The following EXOC6B variants were observed in gnomAD, a reference collection of about 807,000 sequenced individuals.
EXOC6B encodes exocyst complex component 6B.
In EXOC6B, 54 loss-of-function variants were observed where a neutral mutation model predicts 113.5. That is an observed-to-expected ratio of 0.48 (90% CI 0.38 to 0.60). The LOEUF (loss-of-function observed/expected upper bound fraction) is 0.60. EXOC6B is among the 20% of genes least tolerant of loss of function. The pLI is 0.00. For synonymous variants in EXOC6B, 357 were observed against 339.0 expected, an observed-to-expected ratio of 1.05 and a Z score of -0.58; for missense variants, 797 against 977.5, an observed-to-expected ratio of 0.82 and a Z score of 2.46.
At chr2:72,628,958 A>G (rs1029771135) in intron 6 of EXOC6B, among the ~76,000 whole-genome samples, 4 of 152,276 alleles carry the variant, frequency 2.6e-5, no homozygotes, top group African/African-American at 9.6e-5. Flanking sequence ...AGCTTCCTCT[A>G]TCCATGTAAT....
intron 1 of EXOC6B, among the ~76,000 whole-genome samples, chr2:72,823,459 G>GAAAAAAGAAAAAAAAAAAAAAAAAAA (rs1686693497): frequency 1.4e-5 from 1 of 70,030 alleles, no homozygotes; most frequent in African/African-American, 8.2e-5. Context: ...AAAGTTTTAA[G>GAAAAAAGAAAAAAAAAAAAAAAAAAA]AAAAAAAAAA....
chr2:72,226,496 G>A (rs1681250152), intron 20 of EXOC6B, among the ~76,000 whole-genome samples: 1 of 152,278 alleles, frequency 6.6e-6, no homozygotes, highest in South Asian at 2.1e-4. Context: ...GGCAGTAGAA[G>A]GAAAGACATG....
rs779466855 is a variant in EXOC6B at position 72,559,490 on chromosome 2, G to A, written c.878C>T (p.Ser293Phe). ...TATATGTAGACATCGATAAACTGGA[G>A]AGAAATCCACCAAATCTTGGGCCCC... ...VPGAQDLVDF[S>F]PVYRCLHIYS... Residue 293 changes from serine to phenylalanine, a missense_variant, in exon 8 of 22, where the codon TCT becomes TTT. Coordinates refer to ENST00000272427, the MANE Select transcript of EXOC6B (RefSeq NM_015189.3). 1 of 1,612,970 alleles carries A rather than the reference G, an allele frequency of 6.2e-7. No homozygotes were observed.
intron 20 of EXOC6B, among the ~76,000 whole-genome samples, chr2:72,304,791 G>A (rs1686735661): frequency 6.6e-6 from 1 of 152,194 alleles, no homozygotes; most frequent in Non-Finnish European, 1.5e-5. Flanking sequence ...ATGCAAAACT[G>A]CTATTTAGGA....
At position 72,676,462 on chromosome 2, in the gene EXOC6B, A is replaced by G. The variant is rs2104524228; in HGVS notation, c.669+41641T>C. On this transcript the variant is annotated intron_variant, in intron 6 of 21. Coordinates refer to ENST00000272427, the MANE Select transcript of EXOC6B (RefSeq NM_015189.3). ...TTTTGTCTGGAAAAGTAATTTCTGA[A>G]GTGAAGAGTTCAAAACTTTTAGCCC... 1.3e-5 allele frequency among the ~76,000 whole-genome samples: 2 copies of G among 152,340 alleles called. 1 individual carries two copies. The highest frequency in any genetic ancestry group is 1.3e-4 in the Admixed American group (2 of 15,306).
chr2:72,508,184 A>AAAAAAAAAAAAAAAAAAC (rs923877882), intron 11 of EXOC6B, among the ~76,000 whole-genome samples: 6 of 89,102 alleles, frequency 6.7e-5, no homozygotes, highest in African/African-American at 3.3e-4. Flanking sequence ...AAAAAAAAAA[A>AAAAAAAAAAAAAAAAAAC]ACACCTAAAA....
chr2:72,600,625 T>C (rs887858897), intron 6 of EXOC6B, among the ~76,000 whole-genome samples: 9 of 151,690 alleles, frequency 5.9e-5, no homozygotes, highest in Admixed American at 3.3e-4. Flanking sequence ...TTTCAACAAA[T>C]AGATGATGGA....
rs184560193 is a variant in EXOC6B, at chr2:72,623,412, C to T, written c.670-47744G>A. On this transcript the variant is annotated intron_variant, in intron 6 of 21. Transcript: ENST00000272427. ...ATTTATTTAGACACCAGGGTAAATG[C>T]TATATGAGTAAGTACAGAAAAGGAC... Among the ~76,000 whole-genome samples the T allele has an allele frequency of 1.2e-3, 183 of 152,240 alleles. 1 individual carries two copies. The highest frequency in any genetic ancestry group is 6.8e-3 in the Middle Eastern group (2 of 294).
chr2:72,436,084 GCTGGT>G (rs1695849891), intron 18 of EXOC6B, among the ~76,000 whole-genome samples: 1 of 152,128 alleles, frequency 6.6e-6, no homozygotes, highest in African/African-American at 2.4e-5. Context: ...CTCTTGTAAG[GCTGGT>G]CTGGTAGTGA....
At chr2:72,421,209 T>A (rs541335537) in intron 18 of EXOC6B, among the ~76,000 whole-genome samples, 1 of 152,324 alleles carries the variant, frequency 6.6e-6, no homozygotes, top group East Asian at 1.9e-4. Context: ...GTGATGATAG[T>A]TTCTTTTGCT....
chr2:72,649,792 G>A (rs1285895964), intron 6 of EXOC6B, among the ~76,000 whole-genome samples: 1 of 151,962 alleles, frequency 6.6e-6, no homozygotes, highest in Non-Finnish European at 1.5e-5. Flanking sequence ...TTTCCCAAAG[G>A]TACAAAAGCC....
At chr2:72,817,209 A>C (rs147443238) in intron 1 of EXOC6B, among the ~76,000 whole-genome samples, 1 of 152,186 alleles carries the variant, frequency 6.6e-6, no homozygotes, top group African/African-American at 2.4e-5. Context: ...TACTATTCTT[A>C]AACCTGCAAA....
In EXOC6B at chr2:72,257,252, G is replaced by C. The variant is rs111525571; in HGVS notation, c.2197-73065C>G. 3.3e-5 allele frequency among the ~76,000 whole-genome samples: 5 copies of C among 152,018 alleles called. 1 individual carries two copies. The highest frequency in any genetic ancestry group is 1.2e-4 in the African/African-American group (5 of 41,470). On this transcript the variant is annotated intron_variant, in intron 20 of 21. Transcript: ENST00000272427. ...TTTTCCATCTTTTAGAAGTCACGGA[G>C]CTTAAAAAAAAACCATATCTTTGTT...
In EXOC6B at chr2:72,356,305, A is replaced by G. The variant is rs139975840; in HGVS notation, c.2123-21285T>C. On this transcript the variant is annotated intron_variant, in intron 19 of 21. Transcript: ENST00000272427. ...ATGGCAACTCTGATCTCATAACCACACTAATGTCTCTACCAGAATACCACA... is the reference window on the plus strand; with the variant it reads ...ATGGCAACTCTGATCTCATAACCACGCTAATGTCTCTACCAGAATACCACA... 2.3e-3 allele frequency among the ~76,000 whole-genome samples: 351 copies of G among 152,252 alleles called. 1 individual carries two copies. Among genetic ancestry groups the G allele is most frequent in the Non-Finnish European group, 3.0e-3 (204 of 68,024 alleles).
At position 72,499,940 on chromosome 2, in the gene EXOC6B, A is replaced by T; in HGVS notation, c.1200T>A (p.Asp400Glu). 1 of 1,553,472 alleles carries T rather than the reference A, an allele frequency of 6.4e-7. No individual in the cohort carries two copies. Among genetic ancestry groups the T allele is most frequent in the Non-Finnish European group, 8.7e-7 (1 of 1,147,618 alleles). ...SYCSDPNLVL[D>E]LKNLIVLFAD... ...CAAAAAGCACAATGAGGTTCTTCAA[A>T]TCTAACACAAGGTTTGGATCAGAAC... Residue 400 changes from aspartate to glutamate, a missense_variant, in exon 12 of 22, where the codon GAT becomes GAA. Asp to Glu is a conservative substitution (Grantham distance 45). Coordinates refer to ENST00000272427, the MANE Select transcript of EXOC6B (RefSeq NM_015189.3).
intron 19 of EXOC6B, among the ~76,000 whole-genome samples, chr2:72,359,761 A>T (rs1690190838): frequency 6.6e-6 from 1 of 152,040 alleles, no homozygotes; most frequent in African/African-American, 2.4e-5. Context: ...TCCAAATCTC[A>T]CGTTGAAACA....
intron 13 of EXOC6B, among the ~76,000 whole-genome samples, chr2:72,496,986 T>TAGTAG (rs1700071199): frequency 7.2e-6 from 1 of 139,742 alleles, no homozygotes; most frequent in Admixed American, 7.1e-5. Flanking sequence ...ATTATTATTA[T>TAGTAG]TATTAGAGAC....
chr2:72,759,688 T>C (rs1682630156), intron 1 of EXOC6B, among the ~76,000 whole-genome samples: 1 of 152,204 alleles, frequency 6.6e-6, no homozygotes, highest in African/African-American at 2.4e-5. Context: ...AACCCTGGCA[T>C]GCACCAACAT....
In EXOC6B at chr2:72,595,687, A is replaced by G. The variant is rs373809864; in HGVS notation, c.670-20019T>C. Among the ~76,000 whole-genome samples, 22 of 152,146 alleles carry G rather than the reference A, an allele frequency of 1.4e-4. 2 individuals carry two copies. Among genetic ancestry groups the G allele is most frequent in the African/African-American group, 4.6e-4 (19 of 41,548 alleles). ...GTCATAAAGGAGAGAAGTGACACAA[A>G]TTTTTTTAAAAGACATAGATACACA... On this transcript the variant is annotated intron_variant, in intron 6 of 21. Transcript: ENST00000272427.
Sources: allele counts gnomAD v4.1 joint callset (sites outside exome capture counted in the v4.1 genomes callset), GRCh38; gene constraint gnomAD v4.1.1; transcripts MANE v1.5; gene names NCBI Gene and HGNC (gene_info 2026-07-23, HGNC 2026-07-21).